Variants in ELP3 observed in about 807,000 individuals in gnomAD.
ELP3 encodes the protein elongator acetyltransferase complex subunit 3.
Under a neutral mutation model 74.9 loss-of-function variants are expected in ELP3, and 56 were observed. The observed-to-expected ratio is 0.75, with a 90% CI of 0.60 to 0.93. The LOEUF (loss-of-function observed/expected upper bound fraction) is 0.93. Ranked by LOEUF, ELP3 falls within the 40% of genes least tolerant of loss-of-function variation. ELP3 has a pLI of 0.00. For synonymous variants in ELP3, 222 were observed against 239.8 expected (o/e 0.93, Z 0.68); for missense variants, 573 against 686.5 (o/e 0.83, Z 1.85).
intron 14 of ELP3, among the ~76,000 whole-genome samples, chr8:28,171,667 G>A (rs1814534548): frequency 6.6e-6 from 1 of 152,236 alleles, no homozygotes; most frequent in African/African-American, 2.4e-5. Flanking sequence ...TTTTAATGAA[G>A]TCCAGTTTAT....
intron 10 of ELP3, among the ~76,000 whole-genome samples, chr8:28,146,612 A>C (rs1438620992): frequency 6.6e-6 from 1 of 152,204 alleles, no homozygotes; most frequent in Non-Finnish European, 1.5e-5. Flanking sequence ...ATAGTCAGTA[A>C]TCTCATCTAG....
At chr8:28,174,486 A>G (rs757948435) in intron 14 of ELP3, among the ~76,000 whole-genome samples, 2 of 152,110 alleles carry the variant, frequency 1.3e-5, no homozygotes, top group Non-Finnish European at 1.5e-5. Context: ...GCCTCCAGTC[A>G]GTTTGAATAA....
chr8:28,168,842 G>A (rs1187410476), intron 14 of ELP3, among the ~76,000 whole-genome samples: 1 of 152,158 alleles, frequency 6.6e-6, no homozygotes, highest in African/African-American at 2.4e-5. Context: ...ATCTGTTAGA[G>A]GCAGAGATTT....
At position 28,161,894 on chromosome 8, in the gene ELP3, G is replaced by T. The variant is rs1814107149; in HGVS notation, c.1486-103G>T. On this transcript the variant is annotated intron_variant, in intron 13 of 14. Transcript: ENST00000256398. ...TAAGTGGGCTTTTTCACTCTTAACA[G>T]ATTTTAGCAACTACTAAAGTATATA... 4.5e-6 allele frequency: 5 copies of T among 1,120,712 alleles called. No homozygotes were observed. The South Asian group carries it at 7.7e-5, about 17-fold the overall frequency. The allele number at this position is 1,120,712 out of a possible 1,614,324, so 69.4% of individuals were successfully genotyped here. A position where few individuals can be genotyped will look rare whatever the true frequency, so the allele number is the denominator to read the frequency against.
intron 9 of ELP3, among the ~76,000 whole-genome samples, chr8:28,135,080 C>G (rs1203180032): frequency 2.6e-5 from 4 of 152,160 alleles, no homozygotes; most frequent in Admixed American, 6.5e-5. Flanking sequence ...AGGTGCCCAC[C>G]ACCACACCTG....
At chr8:28,111,970 A>G (rs905022412) in intron 6 of ELP3, among the ~76,000 whole-genome samples, 2 of 152,206 alleles carry the variant, frequency 1.3e-5, no homozygotes, top group African/African-American at 4.8e-5. Context: ...GTGTTGATAT[A>G]TATGTACACA....
At chr8:28,119,350 G>T (rs1013941896) in intron 7 of ELP3, among the ~76,000 whole-genome samples, 2 of 151,662 alleles carry the variant, frequency 1.3e-5, no homozygotes, top group African/African-American at 4.8e-5. Flanking sequence ...TAGATTCTAC[G>T]ATACTTGCTT....
At chr8:28,100,683 A>G (rs1308734346) in intron 3 of ELP3, among the ~76,000 whole-genome samples, 2 of 152,368 alleles carry the variant, frequency 1.3e-5, no homozygotes, top group South Asian at 4.1e-4. Flanking sequence ...AGGTAGTAAT[A>G]TGAACAAAGT....
In ELP3 at chr8:28,147,188, C is replaced by T. The variant is rs901945995; in HGVS notation, c.1101-8754C>T. 4.6e-5 allele frequency among the ~76,000 whole-genome samples: 7 copies of T among 152,290 alleles called. No homozygotes were observed. Among genetic ancestry groups the T allele is most frequent in the African/African-American group, 1.7e-4 (7 of 41,560 alleles). ...TGTAAAACCTTCCCTAGAGAGTTTA[C>T]GTCTATTGAAATTTTAATGTCTTTT... On this transcript the variant is annotated intron_variant, in intron 10 of 14. Transcript: ENST00000256398. This position sits in a 1 kb window ranked among gnomAD's most constrained non-coding sequence, Gnocchi z 4.5.
chr8:28,149,785 A>G (rs1344496570), intron 10 of ELP3, among the ~76,000 whole-genome samples: 1 of 152,216 alleles, frequency 6.6e-6, no homozygotes, highest in Non-Finnish European at 1.5e-5. Flanking sequence ...TTCTTCTAAT[A>G]TAGGCATTCA....
At chr8:28,166,838 G>C (rs540512326) in intron 14 of ELP3, among the ~76,000 whole-genome samples, 1 of 152,204 alleles carries the variant, frequency 6.6e-6, no homozygotes, top group Non-Finnish European at 1.5e-5. Flanking sequence ...GTTTTGGCTA[G>C]GTATCAGATC....
At chr8:28,130,752 G>C (rs554652126) in intron 8 of ELP3, among the ~76,000 whole-genome samples, 3 of 152,302 alleles carry the variant, frequency 2.0e-5, no homozygotes, top group African/African-American at 7.2e-5. Flanking sequence ...TTGGTCAGGT[G>C]CAGAAGAGGA....
intron 10 of ELP3, among the ~76,000 whole-genome samples, chr8:28,149,786 T>G (rs1159594953): frequency 6.6e-6 from 1 of 152,244 alleles, no homozygotes; most frequent in Non-Finnish European, 1.5e-5. Context: ...TCTTCTAATA[T>G]AGGCATTCAG....
At chr8:28,095,222 A>G (rs1284671562) in intron 1 of ELP3, among the ~76,000 whole-genome samples, 1 of 152,196 alleles carries the variant, frequency 6.6e-6, no homozygotes, top group African/African-American at 2.4e-5. Flanking sequence ...CATTTCCTTC[A>G]TGAAGTCTTT....
chr8:28,112,226 C>A lies in ELP3; in HGVS notation c.463-793C>A, dbSNP rs79022754. On this transcript the variant is annotated intron_variant, in intron 6 of 14. Transcript: ENST00000256398. Reference sequence around the variant, plus strand: ...GTGGCACAATCTTGGGTCACTGCAACCTCCGCCTCCTGGTTCAAGCGATTC... The same window carrying A: ...GTGGCACAATCTTGGGTCACTGCAAACTCCGCCTCCTGGTTCAAGCGATTC... Among the ~76,000 whole-genome samples, 691 of 152,056 alleles carry A rather than the reference C, an allele frequency of 4.5e-3. 8 individuals carry two copies. The highest frequency in any genetic ancestry group is 0.016 in the African/African-American group (653 of 41,484).
intron 9 of ELP3, among the ~76,000 whole-genome samples, chr8:28,135,009 A>G (rs1364389904): frequency 6.6e-6 from 1 of 150,888 alleles, no homozygotes; most frequent in Non-Finnish European, 1.5e-5. Context: ...GCTCACTGCA[A>G]CCTCTGCCTC....
intron 7 of ELP3, 63 bp from the exon 8 acceptor site, chr8:28,129,439 T>G: frequency 6.3e-7 from 1 of 1,584,264 alleles, no homozygotes; most frequent in Non-Finnish European, 8.6e-7. Context: ...GAAGGCAGTT[T>G]TTTGAGACAG....
chr8:28,155,511 G>A (rs1813790615), intron 10 of ELP3, among the ~76,000 whole-genome samples: 1 of 152,216 alleles, frequency 6.6e-6, no homozygotes, highest in South Asian at 2.1e-4. Context: ...AGGCGTTTGA[G>A]CATCCCAGTT....
intron 3 of ELP3, among the ~76,000 whole-genome samples, chr8:28,101,431 C>CA (rs1449074540): frequency 6.6e-6 from 1 of 151,898 alleles, no homozygotes; most frequent in Non-Finnish European, 1.5e-5. Flanking sequence ...AAACAAAAAA[C>CA]AAAAAAACTT....
Sources: allele counts gnomAD v4.1 joint callset (sites outside exome capture counted in the v4.1 genomes callset), GRCh38; gene constraint gnomAD v4.1.1; non-coding constraint Gnocchi (gnomAD v3.1); transcripts MANE v1.5; gene names NCBI Gene and HGNC (gene_info 2026-07-23, HGNC 2026-07-21).